Variants in LRRTM4 observed in about 807,000 individuals in gnomAD.
LRRTM4 encodes leucine-rich repeat transmembrane neuronal protein 4.
LRRTM4 carries 25 observed loss-of-function variants against 47.6 expected under a neutral mutation model. The ratio of observed to expected loss-of-function variants is 0.53; its 90% CI spans 0.38 to 0.73. The LOEUF is 0.73. Ranked by LOEUF, LRRTM4 falls within the 30% of genes least tolerant of loss-of-function variation. The probability of loss-of-function intolerance (pLI) is 0.00; values close to 1 mark genes in which losing one functional copy is unlikely to be tolerated. For synonymous variants in LRRTM4, 311 were observed against 269.5 expected, an observed-to-expected ratio of 1.15 and a Z score of -1.51; for missense variants, 638 against 713.4, an observed-to-expected ratio of 0.89 and a Z score of 1.20.
chr2:77,457,004 G>GTACA (rs1676579464), intron 3 of LRRTM4, among the ~76,000 whole-genome samples: 3 of 23,186 alleles, frequency 1.3e-4, no homozygotes, highest in African/African-American at 4.5e-4. Flanking sequence ...GTGTGTGTGT[G>GTACA]TATATATATA....
At chr2:77,362,129 G>GA (rs1553434391) in intron 3 of LRRTM4, among the ~76,000 whole-genome samples, 8 of 127,582 alleles carry the variant, frequency 6.3e-5, no homozygotes, top group South Asian at 2.6e-4. Flanking sequence ...AAGAAAGAAA[G>GA]AAAGAAAGAA....
intron 3 of LRRTM4, among the ~76,000 whole-genome samples, chr2:77,031,035 ATAT>A (rs1230672452): frequency 2.6e-5 from 4 of 152,142 alleles, no homozygotes; most frequent in African/African-American, 9.7e-5. Context: ...TAAACTGTAA[ATAT>A]TATTTTCTTA....
At chr2:77,429,886 T>C (rs1157786806) in intron 3 of LRRTM4, among the ~76,000 whole-genome samples, 1 of 151,826 alleles carries the variant, frequency 6.6e-6, no homozygotes, top group African/African-American at 2.4e-5. Context: ...ACCAACATGG[T>C]GAAGCCCTGT....
At chr2:77,194,337 G>A (rs954504341) in intron 3 of LRRTM4, among the ~76,000 whole-genome samples, 1 of 152,104 alleles carries the variant, frequency 6.6e-6, no homozygotes, top group African/African-American at 2.4e-5. Flanking sequence ...TTTTTAATTG[G>A]TGTATCAGTT....
chr2:77,464,065 G>A (rs1379621280), intron 3 of LRRTM4, among the ~76,000 whole-genome samples: 1 of 152,108 alleles, frequency 6.6e-6, no homozygotes, highest in African/African-American at 2.4e-5. Flanking sequence ...AACTGGGCTT[G>A]ATGGACTAGT....
intron 3 of LRRTM4, among the ~76,000 whole-genome samples, chr2:76,887,571 A>G (rs1673117365): frequency 1.3e-5 from 2 of 150,302 alleles, no homozygotes; most frequent in Non-Finnish European, 3.0e-5. Flanking sequence ...ATGTGCAAAT[A>G]TGTATATATA....
chr2:77,209,902 C>G (rs1269050359), intron 3 of LRRTM4, among the ~76,000 whole-genome samples: 1 of 152,168 alleles, frequency 6.6e-6, no homozygotes, highest in Admixed American at 6.5e-5. Context: ...ATCTACTTCA[C>G]GTTCTACAAT....
At chr2:77,093,731 T>C (rs974491338) in intron 3 of LRRTM4, among the ~76,000 whole-genome samples, 2 of 152,004 alleles carry the variant, frequency 1.3e-5, no homozygotes, top group Middle Eastern at 3.2e-3. Context: ...TACGCCCAGA[T>C]GGCCTGAAGT....
intron 3 of LRRTM4, among the ~76,000 whole-genome samples, chr2:76,809,809 A>AATAATCCTTGGACATGCTGAGCTTGCTTT (rs1670673742): frequency 6.6e-6 from 1 of 152,176 alleles, no homozygotes; most frequent in African/African-American, 2.4e-5. Context: ...TTACTTGCTT[A>AATAATCCTTGGACATGCTGAGCTTGCTTT]ATAATCCTTG....
At chr2:77,035,308 A>AT (rs1678796847) in intron 3 of LRRTM4, among the ~76,000 whole-genome samples, 1 of 151,686 alleles carries the variant, frequency 6.6e-6, no homozygotes, top group African/African-American at 2.4e-5. Context: ...AATCCTGTAT[A>AT]TATTTACTCA....
intron 3 of LRRTM4, among the ~76,000 whole-genome samples, chr2:77,001,309 A>G (rs1677418505): frequency 6.6e-6 from 1 of 152,136 alleles, no homozygotes. Context: ...TTTTAGGATT[A>G]CACTTTTTTC....
intron 3 of LRRTM4, among the ~76,000 whole-genome samples, chr2:77,220,039 G>A (rs375186445): frequency 6.6e-6 from 1 of 152,274 alleles, no homozygotes; most frequent in East Asian, 1.9e-4. Flanking sequence ...AGCAGCATTT[G>A]TGGTTCACCA....
chr2:76,935,360 T>G, intron 3 of LRRTM4, among the ~76,000 whole-genome samples: 1 of 152,176 alleles, frequency 6.6e-6, no homozygotes, highest in East Asian at 1.9e-4. Context: ...ATATGAAATT[T>G]AAAGTAGTTT....
chr2:77,191,953 C>T (rs1055802767), intron 3 of LRRTM4, among the ~76,000 whole-genome samples: 4 of 151,994 alleles, frequency 2.6e-5, no homozygotes, highest in Non-Finnish European at 5.9e-5. Context: ...GCATACGGTA[C>T]ATTTAAACAC....
intron 3 of LRRTM4, among the ~76,000 whole-genome samples, chr2:76,966,004 C>G (rs1676011232): frequency 6.6e-6 from 1 of 151,396 alleles, no homozygotes; most frequent in Admixed American, 6.6e-5. Context: ...TTCCCAACAT[C>G]TACTCTGGTG....
intron 3 of LRRTM4, among the ~76,000 whole-genome samples, chr2:77,447,497 A>C (rs1323768925): frequency 6.6e-6 from 1 of 152,088 alleles, no homozygotes; most frequent in Non-Finnish European, 1.5e-5. Flanking sequence ...GTTATTAGCC[A>C]CACCCATCCA....
At chr2:76,923,184 G>A (rs115115029) in intron 3 of LRRTM4, among the ~76,000 whole-genome samples, 2,102 of 152,016 alleles carry the variant, frequency 0.014, 33 homozygotes, top group African/African-American at 0.046. Flanking sequence ...AAAGAGATAG[G>A]TTTTAACTAT....
intron 3 of LRRTM4, among the ~76,000 whole-genome samples, chr2:76,988,554 A>G (rs1052455836): frequency 2.0e-5 from 3 of 151,886 alleles, no homozygotes; most frequent in Admixed American, 6.6e-5. Flanking sequence ...GTGTATTTCA[A>G]AAGTCACCCC....
chr2:77,302,683 A>G (rs901376285), intron 3 of LRRTM4, among the ~76,000 whole-genome samples: 1 of 152,206 alleles, frequency 6.6e-6, no homozygotes, highest in Non-Finnish European at 1.5e-5. Flanking sequence ...TTATAGTAGA[A>G]GAAGCTACTT....
Sources: gnomAD v4.1 joint callset for allele counts (sites outside exome capture counted in the v4.1 genomes callset) on GRCh38, gnomAD v4.1.1 for gene constraint, MANE v1.5 for transcripts, NCBI Gene and HGNC (gene_info 2026-07-23, HGNC 2026-07-21) for gene names.